Variants in GPALPP1 observed in about 807,000 individuals in gnomAD.
GPALPP1 encodes the protein GPALPP motifs-containing protein 1.
Under a neutral mutation model 38.9 loss-of-function variants are expected in GPALPP1, and 30 were observed. The ratio of observed to expected loss-of-function variants is 0.77; its 90% CI spans 0.58 to 1.05. The LOEUF (loss-of-function observed/expected upper bound fraction) is 1.05, where lower values mean the gene tolerates loss of function less well. Ranked by LOEUF, GPALPP1 falls within the 50% of genes least tolerant of loss-of-function variation. GPALPP1 has a pLI of 0.00. For synonymous variants in GPALPP1, 120 were observed against 139.2 expected, an observed-to-expected ratio of 0.86 and a Z score of 0.97; for missense variants, 384 against 408.8, an observed-to-expected ratio of 0.94 and a Z score of 0.52.
At chr13:45,032,929 C>T (rs1876272337), downstream of GPALPP1, among the ~76,000 whole-genome samples, 1 of 151,134 alleles carries the variant, frequency 6.6e-6, no homozygotes. Context: ...CCCAGCTACT[C>T]GGGAGGCTGA....
Position 44,989,591 on chromosome 13 carries a change from C to CT in GPALPP1, c.-59dup, listed in dbSNP as rs933356417. 4 of 1,516,318 alleles carry CT rather than the reference C, an allele frequency of 2.6e-6. No individual in the cohort carries two copies. Among genetic ancestry groups the CT allele is most frequent in the African/African-American group, 2.8e-5 (2 of 72,580 alleles). 93.9% of individuals were successfully genotyped at this position (1,516,318 alleles called of 1,614,324 possible). ...ATTCTTCGCTGCTGATCGCGGGATT[C>CT]TTTTTGGATAGGGTTGACGTTCGTG... On this transcript the variant is annotated 5_prime_UTR_variant, in exon 1 of 8. Transcript: ENST00000379151.
At chr13:45,019,426 G>T (rs1593403060) in intron 6 of GPALPP1, among the ~76,000 whole-genome samples, 1 of 151,788 alleles carries the variant, frequency 6.6e-6, no homozygotes, top group East Asian at 1.9e-4. Flanking sequence ...AGGATTGCAG[G>T]CGTGAGCTAC....
At position 45,029,041 on chromosome 13, in the gene GPALPP1, A is replaced by G. The variant is rs911025218; in HGVS notation, c.*1038A>G. On this transcript the variant is annotated 3_prime_UTR_variant, in exon 8 of 8. Transcript: ENST00000379151. ...CCACTGCACTCTAGCCTAGGTGACA[A>G]GATCGAGAGACTCTGTCTCAAAAAA... 3.3e-5 allele frequency: 5 copies of G among 152,118 alleles called. No individual in the cohort carries two copies. Among genetic ancestry groups the G allele is most frequent in the African/African-American group, 1.2e-4 (5 of 41,434 alleles). The allele number at this position is 152,118 out of a possible 1,614,324, so 9.4% of individuals were successfully genotyped here.
chr13:45,034,933 G>C (rs374074262), downstream of GPALPP1: 2 of 137,108 alleles, frequency 1.5e-5, no homozygotes, highest in Non-Finnish European at 3.1e-5. Flanking sequence ...ACAGGGTTTC[G>C]CCATGTTGGC....
intron 1 of GPALPP1, among the ~76,000 whole-genome samples, chr13:44,990,972 C>T (rs538119528): frequency 1.3e-5 from 2 of 152,194 alleles, no homozygotes; most frequent in African/African-American, 4.8e-5. Context: ...CGCCTGTAAT[C>T]CCAGCTGCTC....
In GPALPP1 at chr13:45,029,915, T is replaced by A. The variant is rs1010075038; in HGVS notation, c.*1912T>A. The A allele has an allele frequency of 6.6e-6, 1 of 152,202 alleles. No homozygotes were observed. The highest frequency in any genetic ancestry group is 2.4e-5 in the African/African-American group (1 of 41,460). The allele number at this position is 152,202 out of a possible 1,614,324, so 9.4% of individuals were successfully genotyped here. ...TAGGGGAGGCAATCAAGATAAGATATGCCATTAACTGTTAGCATTGTGAAA... is the reference window on the plus strand; with the variant it reads ...TAGGGGAGGCAATCAAGATAAGATAAGCCATTAACTGTTAGCATTGTGAAA... On this transcript the variant is annotated 3_prime_UTR_variant, in exon 8 of 8. Transcript: ENST00000379151.
chr13:45,037,266 T>G (rs1269963557), exon 8 of GPALPP1: 1 of 152,206 alleles, frequency 6.6e-6, no homozygotes, highest in Non-Finnish European at 1.5e-5. Flanking sequence ...TGTTCCTTTT[T>G]TATCACTAGG....
chr13:45,010,123 C>G (rs1367832576), intron 4 of GPALPP1, among the ~76,000 whole-genome samples: 1 of 152,148 alleles, frequency 6.6e-6, no homozygotes, highest in East Asian at 1.9e-4. Context: ...TATTAGCACT[C>G]TGATTTTATC....
intron 3 of GPALPP1, among the ~76,000 whole-genome samples, chr13:45,007,000 G>T (rs907606149): frequency 3.3e-5 from 5 of 151,568 alleles, no homozygotes; most frequent in African/African-American, 1.2e-4. Flanking sequence ...AGCAGAAAAG[G>T]CTTTTTATTT....
intron 7 of GPALPP1, among the ~76,000 whole-genome samples, chr13:45,024,683 C>T (rs933408491): frequency 7.9e-5 from 12 of 151,104 alleles, no homozygotes; most frequent in African/African-American, 2.7e-4. Context: ...AATCCCAGCA[C>T]TTTGGGAGGC....
intron 1 of GPALPP1, among the ~76,000 whole-genome samples, chr13:44,993,877 G>C (rs1833997264): frequency 6.7e-6 from 1 of 150,082 alleles, no homozygotes; most frequent in Non-Finnish European, 1.5e-5. Context: ...GCTTTGATTT[G>C]CATTTCCTTA....
intron 7 of GPALPP1, among the ~76,000 whole-genome samples, chr13:45,022,619 A>G (rs1875510228): frequency 1.3e-5 from 2 of 152,160 alleles, no homozygotes; most frequent in South Asian, 4.1e-4. Flanking sequence ...GCCACTCTAG[A>G]AACCTTAGCT....
At chr13:45,016,955 G>A (rs185894188) in intron 6 of GPALPP1, among the ~76,000 whole-genome samples, 20 of 152,284 alleles carry the variant, frequency 1.3e-4, no homozygotes, top group African/African-American at 4.6e-4. Flanking sequence ...TTTAATTTCT[G>A]TAAGACATCC....
intron 6 of GPALPP1, among the ~76,000 whole-genome samples, chr13:45,019,442 C>G (rs1231570670): frequency 6.6e-6 from 1 of 151,982 alleles, no homozygotes; most frequent in Non-Finnish European, 1.5e-5. Flanking sequence ...GCTACCACGC[C>G]CGGCCTCTTG....
chr13:44,989,854 C>A, intron 1 of GPALPP1, 112 bp downstream of exon 1: 1 of 758,488 alleles, frequency 1.3e-6, no homozygotes, highest in Non-Finnish European at 2.2e-6. Context: ...GGGGAGTGGG[C>A]GCGGCCTGAC....
At chr13:45,007,400 A>C (rs1199462791) in intron 3 of GPALPP1, among the ~76,000 whole-genome samples, 4 of 152,178 alleles carry the variant, frequency 2.6e-5, no homozygotes, top group African/African-American at 9.7e-5. Flanking sequence ...CCATGGTTTT[A>C]TTCCTTTACT....
intron 1 of GPALPP1, among the ~76,000 whole-genome samples, chr13:44,999,761 G>T (rs1342232660): frequency 1.3e-5 from 2 of 152,060 alleles, no homozygotes; most frequent in African/African-American, 4.8e-5. Flanking sequence ...GGTATTTTTA[G>T]TAGAGATGGG....
intron 1 of GPALPP1, among the ~76,000 whole-genome samples, chr13:44,991,460 A>AAAAG (rs1234358944): frequency 2.3e-4 from 35 of 152,296 alleles, no homozygotes; most frequent in Admixed American, 9.1e-4. Context: ...AAAAAAAAGA[A>AAAAG]AAAGATTCTT....
At chr13:44,995,765 C>A (rs909501773) in intron 1 of GPALPP1, among the ~76,000 whole-genome samples, 10 of 152,210 alleles carry the variant, frequency 6.6e-5, no homozygotes, top group Non-Finnish European at 2.9e-5. Context: ...TGTTAAGATG[C>A]CAACTCTGAT....
Sources: allele counts gnomAD v4.1 joint callset (sites outside exome capture counted in the v4.1 genomes callset), GRCh38; gene constraint gnomAD v4.1.1; transcripts MANE v1.5; gene names NCBI Gene and HGNC (gene_info 2026-07-23, HGNC 2026-07-21).